The following TMEM178B variants were observed in gnomAD, a reference collection of about 807,000 sequenced individuals.
The protein encoded by TMEM178B is transmembrane protein 178B.
TMEM178B carries 5 observed loss-of-function variants against 31.0 expected under a neutral mutation model. The ratio of observed to expected loss-of-function variants is 0.16; its 90% CI spans 0.08 to 0.34. TMEM178B has a LOEUF of 0.34. TMEM178B is among the 10% of genes least tolerant of loss of function. The pLI, the probability that TMEM178B is intolerant of heterozygous loss-of-function variation, is 1.00. For synonymous variants in TMEM178B, 164 were observed against 164.0 expected, an observed-to-expected ratio of 1.00 and a Z score of 0.00; for missense variants, 275 against 400.3, an observed-to-expected ratio of 0.69 and a Z score of 2.67.
chr7:141,185,004 G>A (rs1796585912), intron 1 of TMEM178B, among the ~76,000 whole-genome samples: 1 of 152,214 alleles, frequency 6.6e-6, no homozygotes, highest in Non-Finnish European at 1.5e-5. Flanking sequence ...CAGCGCAGTT[G>A]AAACGGGAAA....
chr7:141,341,405 A>G (rs1389540860), intron 2 of TMEM178B, among the ~76,000 whole-genome samples: 1 of 152,048 alleles, frequency 6.6e-6, no homozygotes, highest in East Asian at 1.9e-4. Context: ...GCCCAGTCCC[A>G]TTTTACCTAA....
intron 1 of TMEM178B, among the ~76,000 whole-genome samples, chr7:141,079,121 T>A (rs572847441): frequency 6.6e-6 from 1 of 152,182 alleles, no homozygotes; most frequent in Non-Finnish European, 1.5e-5. Flanking sequence ...AACCCATCTC[T>A]AGTAAAAATA....
intron 2 of TMEM178B, among the ~76,000 whole-genome samples, chr7:141,247,395 A>G (rs1563130471): frequency 6.6e-6 from 1 of 152,194 alleles, no homozygotes; most frequent in South Asian, 2.1e-4. Flanking sequence ...TTTTTTGCCT[A>G]CGGTTTTAGA....
chr7:141,244,114 A>C lies in TMEM178B; in HGVS notation c.496+31410A>C, dbSNP rs1440225455. On this transcript the variant is annotated intron_variant, in intron 2 of 3. Coordinates refer to ENST00000565468, the MANE Select transcript of TMEM178B (RefSeq NM_001195278.2). ...CTATATTTTTAGGCTGTTATTTTGCACCAGGTCCTGAGATAAGCATTGCAT... is the reference window on the plus strand; with the variant it reads ...CTATATTTTTAGGCTGTTATTTTGCCCCAGGTCCTGAGATAAGCATTGCAT... 3.3e-5 allele frequency among the ~76,000 whole-genome samples: 5 copies of C among 152,218 alleles called. No homozygotes were observed. The South Asian group carries it at 6.2e-4, about 19-fold the overall frequency.
chr7:141,084,934 A>G (rs1794753737), intron 1 of TMEM178B, among the ~76,000 whole-genome samples: 1 of 151,920 alleles, frequency 6.6e-6, no homozygotes, highest in South Asian at 2.1e-4. Flanking sequence ...GCTTGAGTGC[A>G]ATGGCACGAT....
chr7:141,407,887 T>C (rs1228369861), intron 2 of TMEM178B, among the ~76,000 whole-genome samples: 3 of 152,230 alleles, frequency 2.0e-5, no homozygotes, highest in Non-Finnish European at 4.4e-5. Context: ...ATTTTGTCAG[T>C]AGTAACTAAC....
intron 1 of TMEM178B, among the ~76,000 whole-genome samples, chr7:141,097,540 C>T (rs1470086404): frequency 6.6e-6 from 1 of 151,990 alleles, no homozygotes; most frequent in Non-Finnish European, 1.5e-5. Context: ...CTCTTAACCT[C>T]ATCCTGGTTA....
chr7:141,394,579 T>C (rs904611516), intron 2 of TMEM178B, among the ~76,000 whole-genome samples: 1 of 152,220 alleles, frequency 6.6e-6, no homozygotes, highest in Non-Finnish European at 1.5e-5. Context: ...CCACAATGCA[T>C]GAGAACACCA....
chr7:141,155,580 G>T (rs1285920561), intron 1 of TMEM178B, among the ~76,000 whole-genome samples: 1 of 152,210 alleles, frequency 6.6e-6, no homozygotes, highest in Non-Finnish European at 1.5e-5. Context: ...GTGGTGCTTG[G>T]CTTCCACGTC....
chr7:141,162,068 G>T (rs892584242), intron 1 of TMEM178B, among the ~76,000 whole-genome samples: 1 of 152,178 alleles, frequency 6.6e-6, no homozygotes, highest in Admixed American at 6.5e-5. Context: ...ATGCCCCACA[G>T]TCAGGTGCCA....
chr7:141,315,952 G>A (rs1412888870), intron 2 of TMEM178B, among the ~76,000 whole-genome samples: 4 of 152,074 alleles, frequency 2.6e-5, no homozygotes, highest in African/African-American at 4.8e-5. Flanking sequence ...GCTGTTTATC[G>A]TTTATGAGCT....
chr7:141,284,794 G>A (rs999126356), intron 2 of TMEM178B, among the ~76,000 whole-genome samples: 5 of 152,142 alleles, frequency 3.3e-5, no homozygotes, highest in Non-Finnish European at 2.9e-5. Flanking sequence ...ACCATTGGCC[G>A]TGAGGGTCTG....
intron 2 of TMEM178B, among the ~76,000 whole-genome samples, chr7:141,316,931 G>A (rs1799016169): frequency 6.6e-6 from 1 of 152,160 alleles, no homozygotes. Flanking sequence ...TTGCATGCAG[G>A]TACAAACACT....
intron 2 of TMEM178B, among the ~76,000 whole-genome samples, chr7:141,338,591 CT>C (rs1799465086): frequency 6.6e-6 from 1 of 152,102 alleles, no homozygotes; most frequent in African/African-American, 2.4e-5. Context: ...AGAAAACTCC[CT>C]TTTTAGTGAT....
At chr7:141,251,575 T>G (rs1261286571) in intron 2 of TMEM178B, among the ~76,000 whole-genome samples, 1 of 152,134 alleles carries the variant, frequency 6.6e-6, no homozygotes, top group Non-Finnish European at 1.5e-5. Flanking sequence ...ACAAGATTAC[T>G]GCATCAGTAA....
Position 141,171,387 on chromosome 7 carries a change from G to A in TMEM178B, c.383-41204G>A, listed in dbSNP as rs1349648538. Among the ~76,000 whole-genome samples, 1 of 152,232 alleles carries A rather than the reference G, an allele frequency of 6.6e-6. No homozygotes were observed. The highest frequency in any genetic ancestry group is 1.5e-5 in the Non-Finnish European group (1 of 68,042). ...TTTGTTTATATAACAATGCTATGAT[G>A]TAGGTACTTCTGTGAAATCGTTTTT... On this transcript the variant is annotated intron_variant, in intron 1 of 3. Coordinates refer to ENST00000565468, the MANE Select transcript of TMEM178B (RefSeq NM_001195278.2). This position sits in a 1 kb window ranked among gnomAD's most constrained non-coding sequence, Gnocchi z 4.3.
chr7:141,379,346 A>G (rs770605218), intron 2 of TMEM178B, among the ~76,000 whole-genome samples: 3 of 151,770 alleles, frequency 2.0e-5, no homozygotes, highest in Non-Finnish European at 4.4e-5. Context: ...TTGGCTGGGC[A>G]TGGCAGCATG....
intron 2 of TMEM178B, among the ~76,000 whole-genome samples, chr7:141,241,590 C>CAAAAAA (rs766018973): frequency 2.6e-5 from 2 of 75,972 alleles, no homozygotes; most frequent in Non-Finnish European, 4.8e-5. Context: ...GACTTCGTCT[C>CAAAAAA]AAAAAAAAAA....
intron 2 of TMEM178B, among the ~76,000 whole-genome samples, chr7:141,354,833 C>T (rs1454701866): frequency 6.6e-6 from 1 of 152,352 alleles, no homozygotes; most frequent in African/African-American, 2.4e-5. Flanking sequence ...CTGAGTTTCT[C>T]TCTTTCCTTT....
Sources: gnomAD v4.1 joint callset for allele counts (sites outside exome capture counted in the v4.1 genomes callset) on GRCh38, gnomAD v4.1.1 for gene constraint, Gnocchi (gnomAD v3.1) non-coding constraint, MANE v1.5 for transcripts, NCBI Gene and HGNC (gene_info 2026-07-23, HGNC 2026-07-21) for gene names.